Variants in SMIM36 observed in about 807,000 individuals in gnomAD.
SMIM36 encodes the protein small integral membrane protein 36.
chr17:55,487,842 A>G (rs577920716), intron 1 of SMIM36, among the ~76,000 whole-genome samples: 1 of 152,218 alleles, frequency 6.6e-6, no homozygotes, highest in African/African-American at 2.4e-5. Flanking sequence ...GACCCCTTGC[A>G]GCTGACTACT....
At chr17:55,531,303 C>T in the SMIM36 span, among the ~76,000 whole-genome samples, 3 of 152,160 alleles carry the variant, frequency 2.0e-5, no homozygotes, top group African/African-American at 7.2e-5. Context: ...GCTTGGTGAA[C>T]CCTCATGGAT....
rs547754049 is a variant in SMIM36 at position 55,494,561 on chromosome 17, T to C, written c.*175-14981A>G. ...ATATGGTGGAGTGGTGCAGAGCCGG[T>C]CTTCAAAGTGAGGGGTACAAGAAGA... is the stretch of plus-strand genomic sequence containing the variant. On this transcript the variant is annotated intron_variant, in intron 1 of 4. Coordinates refer to ENST00000636752, the Ensembl canonical transcript of SMIM36. 2.6e-5 allele frequency among the ~76,000 whole-genome samples: 4 copies of C among 152,184 alleles called. No individual in the cohort carries two copies. In the East Asian group the frequency reaches 7.7e-4, roughly 29 times the overall value.
intron 1 of SMIM36, among the ~76,000 whole-genome samples, chr17:55,488,536 A>G (rs953333616): frequency 1.3e-5 from 2 of 152,206 alleles, no homozygotes; most frequent in South Asian, 2.1e-4. Context: ...CATATTGTAC[A>G]TGCTGTTCAG....
intron 1 of SMIM36, among the ~76,000 whole-genome samples, chr17:55,485,620 C>G (rs1197272391): frequency 6.6e-6 from 1 of 152,150 alleles, no homozygotes. Context: ...CCAACATGGT[C>G]TATGGTTGTT....
Position 55,456,111 on chromosome 17 carries a change from T to C in SMIM36, c.*532-5813A>G, listed in dbSNP as rs111618437. 2.1e-3 allele frequency among the ~76,000 whole-genome samples: 154 copies of C among 73,246 alleles called. 1 individual carries two copies. The highest frequency in any genetic ancestry group is 7.9e-3 in the African/African-American group (146 of 18,420). 48.1% of individuals were successfully genotyped at this position (73,246 alleles called of 152,430 possible). On this transcript the variant is annotated intron_variant, in intron 4 of 4. Transcript: ENST00000636752. Reference sequence around the variant, plus strand: ...CCAGCCTGGGCAACAAGTGCAAAACTGTCTCAAAAAAAAAAAAAAAAAAAA... The same window carrying C: ...CCAGCCTGGGCAACAAGTGCAAAACCGTCTCAAAAAAAAAAAAAAAAAAAA...
At chr17:55,487,068 G>A (rs1909620007) in intron 1 of SMIM36, among the ~76,000 whole-genome samples, 1 of 152,092 alleles carries the variant, frequency 6.6e-6, no homozygotes, top group Non-Finnish European at 1.5e-5. Flanking sequence ...AGGAACAAAC[G>A]ATTCTAACAT....
intron 1 of SMIM36, among the ~76,000 whole-genome samples, chr17:55,487,580 G>A (rs760162267): frequency 6.6e-6 from 1 of 152,172 alleles, no homozygotes; most frequent in Non-Finnish European, 1.5e-5. Context: ...ACACCAGAAC[G>A]GAGTGAGATG....
chr17:55,520,036 T>C, the SMIM36 span, among the ~76,000 whole-genome samples: 1 of 152,184 alleles, frequency 6.6e-6, no homozygotes, highest in African/African-American at 2.4e-5. Flanking sequence ...GAGGCTGTAC[T>C]CCCCTCAGGG....
intron 3 of SMIM36, among the ~76,000 whole-genome samples, chr17:55,470,271 T>C (rs1260083682): frequency 6.6e-6 from 1 of 152,206 alleles, no homozygotes; most frequent in Admixed American, 6.5e-5. Flanking sequence ...GGCTCTCTGA[T>C]TGACTACTTC....
chr17:55,485,831 C>T (rs544125317), intron 1 of SMIM36, among the ~76,000 whole-genome samples: 10 of 152,228 alleles, frequency 6.6e-5, no homozygotes, highest in Admixed American at 1.3e-4. Flanking sequence ...AAATTAGCTA[C>T]CCAAGGTTAT....
chr17:55,508,451 TA>T (rs1910121981), intron 1 of SMIM36, among the ~76,000 whole-genome samples: 2 of 140,668 alleles, frequency 1.4e-5, no homozygotes, highest in Admixed American at 7.0e-5. Context: ...TATATATATA[TA>T]TATATATATA....
chr17:55,472,669 G>A (rs1909359851), intron 3 of SMIM36, among the ~76,000 whole-genome samples: 1 of 152,066 alleles, frequency 6.6e-6, no homozygotes, highest in Non-Finnish European at 1.5e-5. Flanking sequence ...CCAGGAGTTC[G>A]AGACCAACCT....
At chr17:55,518,237 T>C in the SMIM36 span, among the ~76,000 whole-genome samples, 3 of 152,154 alleles carry the variant, frequency 2.0e-5, no homozygotes, top group East Asian at 5.8e-4. Context: ...AGGGCTGAAT[T>C]TGTCATTTCA....
chr17:55,517,521 C>T, the SMIM36 span, among the ~76,000 whole-genome samples: 1 of 152,194 alleles, frequency 6.6e-6, no homozygotes. Context: ...TGAGATCGTG[C>T]CACTGCACTT....
At chr17:55,485,208 GTC>G (rs2143282655) in intron 1 of SMIM36, among the ~76,000 whole-genome samples, 1 of 152,252 alleles carries the variant, frequency 6.6e-6, no homozygotes, top group East Asian at 1.9e-4. Flanking sequence ...TATGGAGACT[GTC>G]TACCATTTTC....
At chr17:55,502,257 C>A (rs1221869801) in intron 1 of SMIM36, among the ~76,000 whole-genome samples, 2 of 148,740 alleles carry the variant, frequency 1.3e-5, no homozygotes, top group African/African-American at 5.0e-5. Flanking sequence ...CTGTAGGCTC[C>A]ACCTCTGGGG....
At chr17:55,475,979 TCACC>T (rs1910948581) in intron 3 of SMIM36, among the ~76,000 whole-genome samples, 1 of 152,084 alleles carries the variant, frequency 6.6e-6, no homozygotes, top group Non-Finnish European at 1.5e-5. Flanking sequence ...CTGAGAAACA[TCACC>T]CATTATCTCT....
At chr17:55,454,347 A>G (rs1908978981) in intron 4 of SMIM36, among the ~76,000 whole-genome samples, 1 of 152,230 alleles carries the variant, frequency 6.6e-6, no homozygotes, top group Non-Finnish European at 1.5e-5. Context: ...CAAAAGAGAA[A>G]GAACCGCTGA....
At chr17:55,455,518 A>G (rs532803589) in intron 4 of SMIM36, among the ~76,000 whole-genome samples, 1 of 152,274 alleles carries the variant, frequency 6.6e-6, no homozygotes, top group East Asian at 1.9e-4. Flanking sequence ...GACTGGGTGC[A>G]GTGGCTCATG....
Sources: allele counts gnomAD v4.1 joint callset (sites outside exome capture counted in the v4.1 genomes callset), GRCh38; gene constraint gnomAD v4.1.1; transcripts MANE v1.5; gene names NCBI Gene and HGNC (gene_info 2026-07-23, HGNC 2026-07-21).